ZC3H13: variants seen among roughly 807,000 people sequenced by gnomAD.
ZC3H13 encodes zinc finger CCCH domain-containing protein 13.
In ZC3H13, 64 loss-of-function variants were observed where a neutral mutation model predicts 204.1. That is an observed-to-expected ratio of 0.31 (90% CI 0.26 to 0.39). ZC3H13 has a LOEUF of 0.39. Ranked by LOEUF, ZC3H13 falls within the 10% of genes least tolerant of loss-of-function variation. The probability of loss-of-function intolerance (pLI) is 1.00; values close to 1 mark genes in which losing one functional copy is unlikely to be tolerated. For missense variants in ZC3H13, 1,833 were observed against 2,082.7 expected (o/e 0.88, Z 2.33); for synonymous variants, 667 against 693.7 (o/e 0.96, Z 0.60).
At chr13:46,020,371 G>GGTGTTC in intron 5 of ZC3H13, 78 bp downstream of exon 5, 1 of 997,570 alleles carries the variant, frequency 1.0e-6, no homozygotes, top group Non-Finnish European at 1.5e-6. Context: ...ACAGTCGAAA[G>GGTGTTC]GTGTTCTGAA....
At chr13:46,040,984 A>G (rs1248243460) in intron 4 of ZC3H13, among the ~76,000 whole-genome samples, 1 of 152,192 alleles carries the variant, frequency 6.6e-6, no homozygotes, top group Non-Finnish European at 1.5e-5. Flanking sequence ...GCTGTCAACA[A>G]TGTGAAATGA....
intron 17 of ZC3H13, 108 bp downstream of exon 17, chr13:45,963,734 T>C (rs974911742): frequency 1.5e-4 from 226 of 1,503,398 alleles, no homozygotes; most frequent in Non-Finnish European, 1.9e-4. Flanking sequence ...TCTCAAAAAA[T>C]AGTTTCTACA....
At chr13:45,961,335 C>T (rs1005826860) in intron 17 of ZC3H13, among the ~76,000 whole-genome samples, 11 of 151,876 alleles carry the variant, frequency 7.2e-5, no homozygotes, top group Non-Finnish European at 1.6e-4. Context: ...TTATTTTTGG[C>T]TTTCAAAATA....
rs780465249 is a variant in ZC3H13, at chr13:45,963,887, C to T, written c.4630G>A (p.Ala1544Thr). Residue 1544 changes from alanine to threonine, a missense_variant, in exon 17 of 19, where the codon GCC (alanine) becomes ACC (threonine). Physicochemically the swap from Ala to Thr is moderately conservative, Grantham distance 58 (BLOSUM62 0). Coordinates refer to ENST00000679008, the MANE Select transcript of ZC3H13 (RefSeq NM_001330564.2). ...SKKLAGSELF[A>T]KVKETCQRLL... ...CTCTGACATGTTTCTTTGACTTTGGCAAAGAGTTCAGAACCTGCCAACTTT... is the reference window on the plus strand; with the variant it reads ...CTCTGACATGTTTCTTTGACTTTGGTAAAGAGTTCAGAACCTGCCAACTTT... 9 of 1,613,924 alleles carry T rather than the reference C, an allele frequency of 5.6e-6. No homozygotes were observed. The African/African-American group carries it at 1.2e-4, about 22-fold the overall frequency.
At chr13:45,971,394 G>A (rs983500693) in intron 12 of ZC3H13, among the ~76,000 whole-genome samples, 3 of 152,060 alleles carry the variant, frequency 2.0e-5, no homozygotes, top group Non-Finnish European at 4.4e-5. Context: ...TTCAGCAAAA[G>A]CATACAAAAC....
At chr13:45,966,995 G>A (rs762943360) in intron 15 of ZC3H13, among the ~76,000 whole-genome samples, 4 of 152,112 alleles carry the variant, frequency 2.6e-5, no homozygotes, top group Non-Finnish European at 4.4e-5. Flanking sequence ...GAGTTGATGC[G>A]GACTTAGCAT....
chr13:46,041,411 G>A (rs1339965076), intron 4 of ZC3H13, among the ~76,000 whole-genome samples: 3 of 152,038 alleles, frequency 2.0e-5, no homozygotes, highest in African/African-American at 7.2e-5. Flanking sequence ...GGTTGCCTAG[G>A]GCTGGTGGCT....
At chr13:46,010,637 T>C in intron 6 of ZC3H13, 132 bp from the exon 7 acceptor site, 1 of 883,582 alleles carries the variant, frequency 1.1e-6, no homozygotes, top group Non-Finnish European at 1.6e-6. Context: ...GGTTCACACC[T>C]GTAATCCCAG....
In ZC3H13 at chr13:45,967,566, T is replaced by C; in HGVS notation, c.4259A>G (p.Asp1420Gly). ...LALDKERMDK[D>G]LGSVQGFEET... ...TTCAAATCCCTGCACAGATCCCAGA[T>C]CTTTATCCATTCTCTCTTTATCCAA... Residue 1420 changes from aspartate (D) to glycine (G), a missense_variant, in exon 15 of 19, where the codon GAT (aspartate) becomes GGT (glycine). Coordinates refer to ENST00000679008, the MANE Select transcript of ZC3H13 (RefSeq NM_001330564.2). 1 of 1,610,166 alleles carries C rather than the reference T, an allele frequency of 6.2e-7. No individual in the cohort carries two copies. The highest frequency in any genetic ancestry group is 8.5e-7 in the Non-Finnish European group (1 of 1,178,346).
At chr13:46,010,324 G>T (rs769658111) in intron 7 of ZC3H13, 24 bp downstream of exon 7, 2 of 1,515,444 alleles carry the variant, frequency 1.3e-6, no homozygotes, top group South Asian at 1.3e-5. Context: ...CTATTTTCTC[G>T]ATACTATTTA....
At chr13:45,986,284 A>C (rs919978206) in intron 9 of ZC3H13, among the ~76,000 whole-genome samples, 1 of 152,082 alleles carries the variant, frequency 6.6e-6, no homozygotes, top group Non-Finnish European at 1.5e-5. Context: ...CAAGTCTTTA[A>C]AGCTTTCTCT....
Position 45,958,950 on chromosome 13 carries a change from G to A in ZC3H13, c.4839+533C>T, listed in dbSNP as rs377347375. On this transcript the variant is annotated intron_variant, in intron 18 of 18. Transcript: ENST00000679008. ...ATTACAGGCATGAGCCACCACGCCCGGCCAAAAATCCCAGTTTCTTAACTT... is the reference window on the plus strand; with the variant it reads ...ATTACAGGCATGAGCCACCACGCCCAGCCAAAAATCCCAGTTTCTTAACTT... Among the ~76,000 whole-genome samples, 14 of 152,028 alleles carry A rather than the reference G, an allele frequency of 9.2e-5. No homozygotes were observed. In the South Asian group the frequency reaches 1.7e-3, roughly 18 times the overall value.
At chr13:46,009,079 A>G (rs904035665) in intron 7 of ZC3H13, among the ~76,000 whole-genome samples, 2 of 152,176 alleles carry the variant, frequency 1.3e-5, no homozygotes, top group South Asian at 2.1e-4. Flanking sequence ...TATTATCAAC[A>G]TGGAGGTATA....
Position 45,963,858 on chromosome 13 carries a change from A to G in ZC3H13, c.4659T>C (p.Leu1553=), listed in dbSNP as rs777364705. The change falls in exon 17 of 19, where the codon CTT becomes CTC. Residue 1553 remains leucine, a synonymous_variant. Transcript: ENST00000679008. ...TGAAACTACCTTTGGGTTTTTCTAA[A>G]AGTCTCTGACATGTTTCTTTGACTT... The part of the protein sequence containing the change: ...FAKVKETCQR[L]LEKPKDADNL... 2 of 1,614,024 alleles carry G rather than the reference A, an allele frequency of 1.2e-6. No homozygotes were observed.
intron 18 of ZC3H13, 25 bp downstream of exon 18, chr13:45,959,458 A>AT: frequency 1.3e-6 from 2 of 1,511,538 alleles, no homozygotes; most frequent in Non-Finnish European, 8.8e-7. Flanking sequence ...TTCACTTTGT[A>AT]TTTTTTCCAA....
chr13:45,967,947 A>T lies in ZC3H13; in HGVS notation c.3878T>A (p.Phe1293Tyr). 2 of 1,613,816 alleles carry T rather than the reference A, an allele frequency of 1.2e-6. No homozygotes were observed. The highest frequency in any genetic ancestry group is 1.7e-6 in the Non-Finnish European group (2 of 1,179,900). Residue 1293 changes from phenylalanine (F) to tyrosine (Y), a missense_variant, in exon 15 of 19, where the codon TTT becomes TAT. Coordinates refer to ENST00000679008, the MANE Select transcript of ZC3H13 (RefSeq NM_001330564.2). The stretch of plus-strand genomic sequence containing the variant: ...TTCTTGAAGCCTGTCTCTGCTATCA[A>T]ATGACCCAGATCTTGAATGGACCTG... ...DRQVHSRSGSFDSRDRLQERD... is the reference protein window; with the variant it reads ...DRQVHSRSGSYDSRDRLQERD...
rs1358585803 is a variant in ZC3H13, at chr13:45,956,923, G to A, written c.*204C>T. On this transcript the variant is annotated 3_prime_UTR_variant, in exon 19 of 19. Transcript: ENST00000679008. ...TGTTTTCACATTATTTTGCATGAGT[G>A]TCAAATACTATGTAAAAATTAACGT... is the stretch of plus-strand genomic sequence containing the variant. The A allele has an allele frequency of 1.3e-5, 5 of 382,852 alleles. No individual in the cohort carries two copies. In the East Asian group the frequency reaches 2.1e-4, roughly 16 times the overall value. The allele number at this position is 382,852 out of a possible 1,614,324, so 23.7% of individuals were successfully genotyped here. A position where few individuals can be genotyped will look rare whatever the true frequency, so the allele number is the denominator to read the frequency against.
chr13:46,021,616 C>G (rs762091078), intron 4 of ZC3H13, among the ~76,000 whole-genome samples: 1 of 151,740 alleles, frequency 6.6e-6, no homozygotes, highest in Non-Finnish European at 1.5e-5. Flanking sequence ...GGCATGAAGT[C>G]ATACTGTAAA....
chr13:45,956,462 AT>A lies in ZC3H13; in HGVS notation c.*664del, dbSNP rs1330733573. On this transcript the variant is annotated 3_prime_UTR_variant, in exon 19 of 19. Coordinates refer to ENST00000679008, the MANE Select transcript of ZC3H13 (RefSeq NM_001330564.2). ...TCTAAAACAAGGAAAGGGAAGATAC[AT>A]TTATTAAAAATAAAAATAGTACACA... The A allele has an allele frequency of 6.6e-6, 1 of 152,208 alleles. No homozygotes were observed. Among genetic ancestry groups the A allele is most frequent in the Non-Finnish European group, 1.5e-5 (1 of 68,018 alleles). The allele number at this position is 152,208 out of a possible 1,614,324, so 9.4% of individuals were successfully genotyped here. A position where few individuals can be genotyped will look rare whatever the true frequency, so the allele number is the denominator to read the frequency against.
Sources: gnomAD v4.1 joint callset for allele counts (sites outside exome capture counted in the v4.1 genomes callset) on GRCh38, gnomAD v4.1.1 for gene constraint, MANE v1.5 for transcripts, NCBI Gene and HGNC (gene_info 2026-07-23, HGNC 2026-07-21) for gene names.